The following HEY2 variants were observed in gnomAD, a reference collection of about 807,000 sequenced individuals.
HEY2 encodes hes related family bHLH transcription factor with YRPW motif 2, also known as hairy/enhancer-of-split related with YRPW motif protein 2.
In HEY2, 10 loss-of-function variants were observed where a neutral mutation model predicts 18.1. The observed-to-expected ratio is 0.55, with a 90% CI of 0.34 to 0.94. The LOEUF (loss-of-function observed/expected upper bound fraction) is 0.94, where lower values mean the gene tolerates loss of function less well. Among genes scored for constraint, HEY2 ranks in the 40% least tolerant of loss-of-function variants. The pLI is 0.02. For missense variants in HEY2, 455 were observed against 455.9 expected (o/e 1.00, Z 0.02); for synonymous variants, 210 against 182.7 (o/e 1.15, Z -1.21).
At chr6:125,756,290 G>A (rs567636784) in intron 4 of HEY2, among the ~76,000 whole-genome samples, 1 of 151,754 alleles carries the variant, frequency 6.6e-6, no homozygotes, top group African/African-American at 2.4e-5. Flanking sequence ...GCTGGCGGCT[G>A]GGTGTGGTGG....
At chr6:125,754,336 T>G (rs1773609532) in intron 3 of HEY2, 129 bp from the exon 4 acceptor site, 8 of 451,982 alleles carry the variant, frequency 1.8e-5, no homozygotes, top group Non-Finnish European at 3.1e-5. Flanking sequence ...AAGTTTTCTG[T>G]GAAAAAATAA....
At chr6:125,754,577 T>TG in intron 4 of HEY2, 31 bp downstream of exon 4, 1 of 1,128,940 alleles carries the variant, frequency 8.9e-7, no homozygotes, top group Non-Finnish European at 1.3e-6. Context: ...TTTTTTTTTT[T>TG]TGCCTTTTTT....
rs986368222 is a variant in HEY2, at chr6:125,761,213, C to A, written c.*1411C>A. 6.6e-6 allele frequency: 1 copy of A among 152,514 alleles called. No individual in the cohort carries two copies. Among genetic ancestry groups the A allele is most frequent in the East Asian group, 1.9e-4 (1 of 5,200 alleles). 9.4% of individuals were successfully genotyped at this position (152,514 alleles called of 1,614,324 possible). On this transcript the variant is annotated 3_prime_UTR_variant, in exon 5 of 5. Transcript: ENST00000368364. The stretch of plus-strand genomic sequence containing the variant: ...AGTCTTTTTTGCATTACTTTGTAAC[C>A]TTTTTCTATGCAAGAGTCTTTACAT...
chr6:125,761,072 G>A lies in HEY2; in HGVS notation c.*1270G>A, dbSNP rs770120208. The A allele has an allele frequency of 1.3e-5, 2 of 152,622 alleles. No individual in the cohort carries two copies. The highest frequency in any genetic ancestry group is 2.9e-5 in the Non-Finnish European group (2 of 68,036). The allele number at this position is 152,622 out of a possible 1,614,324, so 9.5% of individuals were successfully genotyped here. On this transcript the variant is annotated 3_prime_UTR_variant, in exon 5 of 5. Transcript: ENST00000368364. ...TTTTGTTTAAAAGATAAGAGACACA[G>A]CATGTATTATGCACTTCATTTCTCT...
chr6:125,749,839 G>A lies in HEY2; in HGVS notation c.63G>A (p.Gly21=), dbSNP rs1052100379. The A allele has an allele frequency of 6.3e-7, 1 of 1,582,362 alleles. No homozygotes were observed. Among genetic ancestry groups the A allele is most frequent in the Non-Finnish European group, 8.6e-7 (1 of 1,164,778 alleles). ...ACATGGACGAGACCATCGACGTGGG[G>A]AGCGAGAACAATTACTCGGGGTGAG... ...ESDMDETIDV[G]SENNYSGQST... is the part of the protein sequence containing the mutation. Residue 21 remains glycine (G), a synonymous_variant, in exon 1 of 5, where the codon GGG becomes GGA. Coordinates refer to ENST00000368364, the MANE Select transcript of HEY2 (RefSeq NM_012259.3).
chr6:125,752,272 A>G (rs1437899624), intron 3 of HEY2, among the ~76,000 whole-genome samples, 182 bp downstream of exon 3: 1 of 152,092 alleles, frequency 6.6e-6, no homozygotes, highest in Non-Finnish European at 1.5e-5. Context: ...TGTTGTGGCA[A>G]AACTATTAAA....
At position 125,760,996 on chromosome 6, in the gene HEY2, G is replaced by T. The variant is rs547478367; in HGVS notation, c.*1194G>T. ...TTGTGGTTTTGTTTTTTTCGATTTC[G>T]TTTAATGACAAAATAATCTCTTAAT... On this transcript the variant is annotated 3_prime_UTR_variant, in exon 5 of 5. Transcript: ENST00000368364. 1.3e-5 allele frequency: 2 copies of T among 152,502 alleles called. No homozygotes were observed. The highest frequency in any genetic ancestry group is 3.8e-4 in the East Asian group (2 of 5,198). The allele number at this position is 152,502 out of a possible 1,614,324, so 9.4% of individuals were successfully genotyped here.
chr6:125,756,491 C>T (rs927914542), intron 4 of HEY2, among the ~76,000 whole-genome samples: 6 of 151,994 alleles, frequency 3.9e-5, no homozygotes, highest in Non-Finnish European at 5.9e-5. Context: ...TGCTTGAACC[C>T]GGGAGGCAGA....
intron 3 of HEY2, 66 bp downstream of exon 3, chr6:125,752,156 C>G: frequency 1.3e-6 from 1 of 744,974 alleles, no homozygotes; most frequent in Admixed American, 2.7e-5. Flanking sequence ...AGCTCAAACA[C>G]AATCTGATTC....
At chr6:125,754,930 C>T (rs1484747074) in intron 4 of HEY2, among the ~76,000 whole-genome samples, 1 of 152,196 alleles carries the variant, frequency 6.6e-6, no homozygotes, top group Non-Finnish European at 1.5e-5. Flanking sequence ...TCCTTTTCTC[C>T]TCCTTCTGCT....
chr6:125,759,469 C>A lies in HEY2; in HGVS notation c.681C>A (p.Leu227=). The part of the protein sequence containing the change: ...EVPPAHGSAL[L]TATFAHADSA... ...CTCCTGCCCACGGCTCTGCTCTCCT[C>A]ACGGCCACGTTTGCCCATGCGGATT... Residue 227 remains leucine (L), a synonymous_variant, in exon 5 of 5, where the codon CTC becomes CTA. Transcript: ENST00000368364. 6 of 1,611,656 alleles carry A rather than the reference C, an allele frequency of 3.7e-6. No homozygotes were observed. The highest frequency in any genetic ancestry group is 5.1e-6 in the Non-Finnish European group (6 of 1,179,986).
chr6:125,756,011 C>G (rs1340905580), intron 4 of HEY2, among the ~76,000 whole-genome samples: 5 of 152,176 alleles, frequency 3.3e-5, no homozygotes, highest in Non-Finnish European at 7.3e-5. Context: ...CTTTACTTCC[C>G]TTAGCATTGT....
Position 125,759,242 on chromosome 6 carries a change from C to G in HEY2, c.454C>G (p.Arg152Gly). The change falls in exon 5 of 5, where the codon CGG becomes GGG. Residue 152 changes from arginine (R) to glycine (G), a missense_variant. By Grantham distance (125) the Arg-to-Gly change is moderately radical (BLOSUM62 -2). Transcript: ENST00000368364. Reference sequence around the variant, plus strand: ...GGACTCCTCGGATCCGCTGCGGGTGCGGCTTGTGTCTCATCTCAGCACTTG... The same window carrying G: ...GGACTCCTCGGATCCGCTGCGGGTGGGGCTTGTGTCTCATCTCAGCACTTG... ...GLDSSDPLRV[R>G]LVSHLSTCAT... is the part of the protein sequence containing the mutation. 1.9e-6 allele frequency: 3 copies of G among 1,610,174 alleles called. No individual in the cohort carries two copies. The highest frequency in any genetic ancestry group is 2.5e-6 in the Non-Finnish European group (3 of 1,179,990).
intron 3 of HEY2, among the ~76,000 whole-genome samples, chr6:125,752,804 A>G (rs1773580117): frequency 6.6e-6 from 1 of 152,242 alleles, no homozygotes; most frequent in East Asian, 1.9e-4. Flanking sequence ...GCAGTGGTTA[A>G]TGACACAGAT....
Position 125,759,027 on chromosome 6 carries a change from T to C in HEY2, c.329-90T>C, listed in dbSNP as rs554785398. On this transcript the variant is annotated intron_variant, in intron 4 of 4. Transcript: ENST00000368364. ...TCTGAAGGACAGAGTGGAACATCAGTGGGTGGTTATTGTTGACTATACCAT... is the reference window on the plus strand; with the variant it reads ...TCTGAAGGACAGAGTGGAACATCAGCGGGTGGTTATTGTTGACTATACCAT... 3.2e-5 allele frequency: 28 copies of C among 873,522 alleles called. No individual in the cohort carries two copies. The South Asian group carries it at 4.4e-4, about 14-fold the overall frequency. The allele number at this position is 873,522 out of a possible 1,614,324, so 54.1% of individuals were successfully genotyped here. A position where few individuals can be genotyped will look rare whatever the true frequency, so the allele number is the denominator to read the frequency against.
At chr6:125,749,933 G>A (rs994692992) in intron 1 of HEY2, 74 bp downstream of exon 1, 4 of 1,223,368 alleles carry the variant, frequency 3.3e-6, no homozygotes, top group Admixed American at 2.0e-5. Context: ...TGGCTCCCTG[G>A]AAATCCCGAG....
chr6:125,756,574 A>T (rs1348760807), intron 4 of HEY2, among the ~76,000 whole-genome samples: 3 of 151,898 alleles, frequency 2.0e-5, no homozygotes, highest in Non-Finnish European at 4.4e-5. Flanking sequence ...TCTCAAAAAA[A>T]ATAGAAAAAA....
intron 3 of HEY2, 69 bp downstream of exon 3, chr6:125,752,159 T>G: frequency 1.4e-6 from 1 of 695,986 alleles, no homozygotes; most frequent in South Asian, 1.5e-5. Flanking sequence ...TCAAACACAA[T>G]CTGATTCGCT....
chr6:125,759,843 C>A lies in HEY2; in HGVS notation c.*41C>A. The A allele has an allele frequency of 6.5e-7, 1 of 1,541,202 alleles. No individual in the cohort carries two copies. The highest frequency in any genetic ancestry group is 8.9e-7 in the Non-Finnish European group (1 of 1,120,108). On this transcript the variant is annotated 3_prime_UTR_variant, in exon 5 of 5. Coordinates refer to ENST00000368364, the MANE Select transcript of HEY2 (RefSeq NM_012259.3). ...CTTGCAATAGTAACTGAATGTCCTC[C>A]ATTTCAGAGTCAGCTTAAAACCTCT...
Sources: gnomAD v4.1 joint callset for allele counts (sites outside exome capture counted in the v4.1 genomes callset) on GRCh38, gnomAD v4.1.1 for gene constraint, MANE v1.5 for transcripts, NCBI Gene and HGNC (gene_info 2026-07-23, HGNC 2026-07-21) for gene names.